MAD1L1: variants seen among roughly 807,000 people sequenced by gnomAD.
MAD1L1 encodes mitotic arrest deficient 1 like 1.
In MAD1L1, 95 loss-of-function variants were observed where a neutral mutation model predicts 96.9. That is an observed-to-expected ratio of 0.98 (90% confidence interval 0.83 to 1.16). The LOEUF is 1.16. Among genes scored for constraint, MAD1L1 ranks in the 50% most tolerant of loss-of-function variants. The pLI is 0.00. For missense variants in MAD1L1, 1,007 were observed against 954.4 expected (o/e 1.06, Z -0.73); for synonymous variants, 473 against 396.6 (o/e 1.19, Z -2.29).
chr7:1,860,735 C>T (rs140539751), intron 18 of MAD1L1, among the ~76,000 whole-genome samples: 89 of 152,268 alleles, frequency 5.8e-4, no homozygotes, highest in Non-Finnish European at 9.6e-4. Flanking sequence ...GGCATCACCC[C>T]GGGGCCTGAC....
intron 5 of MAD1L1, chr7:2,220,801 G>GTCAA: frequency 7.5e-7 from 1 of 1,340,120 alleles, no homozygotes; most frequent in Non-Finnish European, 1.0e-6. Context: ...CAACCTGGGA[G>GTCAA]TCAACAAAGA....
At chr7:2,117,362 C>A (rs148914437) in intron 11 of MAD1L1, among the ~76,000 whole-genome samples, 1 of 152,238 alleles carries the variant, frequency 6.6e-6, no homozygotes, top group Non-Finnish European at 1.5e-5. Context: ...AACCCACAAA[C>A]AGAGGCCACC....
rs1484772107 is a variant in MAD1L1, at chr7:2,154,238, A to G, written c.987-5000T>C. Reference sequence around the variant, plus strand: ...GACCGTGTCAGGTGAAACCACCAGGAACAGAAAGAAACTGCACGTCTTCAC... The same window carrying G: ...GACCGTGTCAGGTGAAACCACCAGGGACAGAAAGAAACTGCACGTCTTCAC... On this transcript the variant is annotated intron_variant, in intron 10 of 18. Transcript: ENST00000265854. Among the ~76,000 whole-genome samples the G allele has an allele frequency of 3.3e-5, 5 of 152,224 alleles. No homozygotes were observed. The East Asian group carries it at 9.6e-4, about 29-fold the overall frequency.
At chr7:1,948,056 C>T (rs1779312742) in intron 16 of MAD1L1, among the ~76,000 whole-genome samples, 1 of 152,184 alleles carries the variant, frequency 6.6e-6, no homozygotes, top group Admixed American at 6.5e-5. Context: ...TAGGACAGAA[C>T]CCCGAGAGCT....
At chr7:1,886,057 T>A (rs1019874797) in intron 18 of MAD1L1, among the ~76,000 whole-genome samples, 1 of 152,140 alleles carries the variant, frequency 6.6e-6, no homozygotes, top group South Asian at 2.1e-4. Context: ...CGTCCGCGTA[T>A]CAGGGCAGCC....
At position 2,229,738 on chromosome 7, in the gene MAD1L1, G is replaced by T. The variant is rs532943547; in HGVS notation, c.150+246C>A. 2.0e-5 allele frequency among the ~76,000 whole-genome samples: 3 copies of T among 152,252 alleles called. No homozygotes were observed. The South Asian group carries it at 6.2e-4, about 31-fold the overall frequency. Reference sequence around the variant, plus strand: ...GTGAGTGCACTTGTGTGAACGCAATGCTGAGCGCCAGGCCCACTCAGGGCG... The same window carrying T: ...GTGAGTGCACTTGTGTGAACGCAATTCTGAGCGCCAGGCCCACTCAGGGCG... On this transcript the variant is annotated intron_variant, in intron 3 of 18. Transcript: ENST00000265854.
At chr7:1,978,659 C>T (rs958875441) in intron 15 of MAD1L1, among the ~76,000 whole-genome samples, 6 of 152,206 alleles carry the variant, frequency 3.9e-5, no homozygotes, top group African/African-American at 1.4e-4. Context: ...ACCCGAAGAC[C>T]ACACGCAGAC....
intron 11 of MAD1L1, among the ~76,000 whole-genome samples, chr7:2,099,358 G>A (rs73034464): frequency 0.025 from 3,847 of 152,348 alleles, 81 homozygotes; most frequent in Middle Eastern, 0.051. Flanking sequence ...CGCAGCCCCT[G>A]CCGCCTTGGC....
At chr7:2,191,266 C>A (rs1584512437) in intron 10 of MAD1L1, among the ~76,000 whole-genome samples, 1 of 152,184 alleles carries the variant, frequency 6.6e-6, no homozygotes, top group East Asian at 1.9e-4. Context: ...AGCCTGTTAC[C>A]TCCACCTGCC....
chr7:2,158,100 C>A (rs1001501119), intron 10 of MAD1L1, among the ~76,000 whole-genome samples: 2 of 152,342 alleles, frequency 1.3e-5, no homozygotes, highest in Non-Finnish European at 1.5e-5. Context: ...AGCTGCGAAG[C>A]CTTTTAAATT....
At chr7:2,052,219 T>C (rs1860833) in intron 12 of MAD1L1, among the ~76,000 whole-genome samples, 151,856 of 152,326 alleles carry the variant, frequency 1, 75,698 homozygotes, top group Middle Eastern at 1. Flanking sequence ...CAGCCACAGC[T>C]CCGCCACAGC....
intron 10 of MAD1L1, among the ~76,000 whole-genome samples, chr7:2,152,471 G>A (rs1789628491): frequency 6.6e-6 from 1 of 152,236 alleles, no homozygotes; most frequent in Non-Finnish European, 1.5e-5. Context: ...GCCCTGTCTG[G>A]CCATTCTTGC....
chr7:2,187,200 T>C (rs561690331), intron 10 of MAD1L1, among the ~76,000 whole-genome samples: 2 of 152,056 alleles, frequency 1.3e-5, no homozygotes, highest in South Asian at 4.2e-4. Context: ...AATACAAAAA[T>C]TAGCCAGGCA....
chr7:2,062,468 G>A (rs191710255), intron 12 of MAD1L1, among the ~76,000 whole-genome samples: 121 of 151,824 alleles, frequency 8.0e-4, no homozygotes, highest in Non-Finnish European at 1.5e-3. Flanking sequence ...CCAGCTACTC[G>A]AGAGGCTGAG....
intron 14 of MAD1L1, among the ~76,000 whole-genome samples, chr7:1,984,436 T>C (rs1781055543): frequency 6.6e-6 from 1 of 152,250 alleles, no homozygotes; most frequent in African/African-American, 2.4e-5. Flanking sequence ...CATATGTATT[T>C]TTCTGTTTTC....
chr7:2,038,732 T>G (rs1227420587), intron 12 of MAD1L1, among the ~76,000 whole-genome samples: 4 of 128,228 alleles, frequency 3.1e-5, no homozygotes. Flanking sequence ...CAGGATGGTC[T>G]CGAACTCCTG....
chr7:1,937,404 G>A (rs927519635), intron 16 of MAD1L1, among the ~76,000 whole-genome samples: 5 of 152,214 alleles, frequency 3.3e-5, no homozygotes, highest in Non-Finnish European at 7.3e-5. Flanking sequence ...GGTGGCTCAG[G>A]AATGCGCCTC....
At chr7:2,056,473 G>C (rs1034201120) in intron 12 of MAD1L1, among the ~76,000 whole-genome samples, 32 of 152,150 alleles carry the variant, frequency 2.1e-4, no homozygotes, top group African/African-American at 7.7e-4. Flanking sequence ...GGAGCACACA[G>C]CCAGATTTAG....
chr7:1,983,193 T>C (rs1444677482), intron 14 of MAD1L1, among the ~76,000 whole-genome samples: 1 of 151,114 alleles, frequency 6.6e-6, no homozygotes, highest in Non-Finnish European at 1.5e-5. Flanking sequence ...CACACAGGCT[T>C]GTAAGGCCTT....
Sources: allele counts gnomAD v4.1 joint callset (sites outside exome capture counted in the v4.1 genomes callset), GRCh38; gene constraint gnomAD v4.1.1; transcripts MANE v1.5; gene names NCBI Gene and HGNC (gene_info 2026-07-23, HGNC 2026-07-21).